The following HMCN1 variants were observed in gnomAD, a reference collection of about 807,000 sequenced individuals.
The protein encoded by HMCN1 is hemicentin-1.
HMCN1 carries 321 observed loss-of-function variants against 625.9 expected under a neutral mutation model. That is an observed-to-expected ratio of 0.51 (90% CI 0.47 to 0.56). The LOEUF is 0.56. Ranked by LOEUF, HMCN1 falls within the 20% of genes least tolerant of loss-of-function variation. The pLI is 0.00. For missense variants in HMCN1, 6,588 were observed against 6,887.3 expected, an observed-to-expected ratio of 0.96 and a Z score of 1.54; for synonymous variants, 2,425 against 2,417.6, an observed-to-expected ratio of 1.00 and a Z score of -0.09.
intron 69 of HMCN1, among the ~76,000 whole-genome samples, chr1:186,106,602 G>C (rs1229993214): frequency 1.3e-5 from 2 of 152,164 alleles, no homozygotes; most frequent in East Asian, 3.9e-4. Context: ...ATCACATATG[G>C]TTCTAGGTCC....
At chr1:186,057,542 A>T in intron 46 of HMCN1, 141 bp downstream of exon 46, 1 of 637,872 alleles carries the variant, frequency 1.6e-6, no homozygotes, top group South Asian at 1.9e-5. Context: ...CATATTAAGA[A>T]AAAATATTTA....
At chr1:186,166,409 C>G in intron 99 of HMCN1, 106 bp downstream of exon 99, 1 of 1,386,666 alleles carries the variant, frequency 7.2e-7, no homozygotes, top group Non-Finnish European at 1.0e-6. Context: ...CTTCTGCCCA[C>G]ACCTTGGCAA....
At chr1:186,067,064 A>G (rs868469917) in intron 49 of HMCN1, among the ~76,000 whole-genome samples, 12 of 152,284 alleles carry the variant, frequency 7.9e-5, no homozygotes, top group Middle Eastern at 3.4e-3. Context: ...TTCCCTTCCT[A>G]AATGAGCAAA....
rs765122544 is a variant in HMCN1, at chr1:186,017,083, G to C, written c.5300+12G>C. The stretch of plus-strand genomic sequence containing the variant: ...CCACCAACTATCATGTAAGGGTTTT[G>C]GTATGTCTTCTAAATACCTCCTGCT... On this transcript the variant is annotated intron_variant, in intron 33 of 106. Transcript: ENST00000271588. 1.4e-6 allele frequency: 2 copies of C among 1,424,562 alleles called. No individual in the cohort carries two copies. Among genetic ancestry groups the C allele is most frequent in the African/African-American group, 2.8e-5 (2 of 71,076 alleles). 88.2% of individuals were successfully genotyped at this position (1,424,562 alleles called of 1,614,324 possible).
At chr1:185,792,340 C>T (rs1050194230) in intron 1 of HMCN1, among the ~76,000 whole-genome samples, 1 of 152,164 alleles carries the variant, frequency 6.6e-6, no homozygotes, top group African/African-American at 2.4e-5. Context: ...AAATCATTCA[C>T]AACTGTAAAG....
intron 2 of HMCN1, among the ~76,000 whole-genome samples, chr1:185,861,896 G>A (rs1662896016): frequency 6.6e-6 from 1 of 152,132 alleles, no homozygotes; most frequent in African/African-American, 2.4e-5. Flanking sequence ...ACTGTGCTAT[G>A]AACTGAGGAT....
Position 185,990,383 on chromosome 1 carries a change from T to C in HMCN1, c.3317T>C (p.Leu1106Ser), listed in dbSNP as rs753896212. The C allele has an allele frequency of 2.5e-6, 4 of 1,613,912 alleles. No homozygotes were observed. The East Asian group carries it at 8.9e-5, about 36-fold the overall frequency. Residue 1106 changes from leucine (L) to serine (S), a missense_variant, in exon 22 of 107, where the codon TTA becomes TCA. By Grantham distance (145) the Leu-to-Ser change is moderately radical. Coordinates refer to ENST00000271588, the MANE Select transcript of HMCN1 (RefSeq NM_031935.3). ...ACACTTCCATGTGAAGTGAAGAGCT[T>C]ACCTCCACCCATAATTACTTGGGCC... Reference protein sequence around the residue: ...EVTLPCEVKSLPPPIITWAKE... With the variant: ...EVTLPCEVKSSPPPIITWAKE...
At chr1:186,088,117 T>G (rs767496259) in intron 61 of HMCN1, 28 bp from the exon 62 acceptor site, 3 of 1,590,168 alleles carry the variant, frequency 1.9e-6, no homozygotes, top group Non-Finnish European at 2.6e-6. Flanking sequence ...TCTGTTTTTT[T>G]GTTTGTTTGT....
intron 13 of HMCN1, among the ~76,000 whole-genome samples, chr1:185,964,321 T>G (rs1263217855): frequency 1.3e-5 from 2 of 152,166 alleles, no homozygotes; most frequent in Admixed American, 6.6e-5. Flanking sequence ...TAAACATTTA[T>G]TGGAAGCGTA....
chr1:185,783,545 G>T (rs1029446828), intron 1 of HMCN1, among the ~76,000 whole-genome samples: 25 of 152,214 alleles, frequency 1.6e-4, no homozygotes, highest in African/African-American at 5.5e-4. Flanking sequence ...CTTTCTGTTT[G>T]TTAGTTTTCC....
At chr1:186,064,050 G>T (rs1020564490) in intron 48 of HMCN1, among the ~76,000 whole-genome samples, 1 of 152,078 alleles carries the variant, frequency 6.6e-6, no homozygotes, top group African/African-American at 2.4e-5. Context: ...ATAAGCAGAG[G>T]GGGGAATGTT....
Position 186,152,784 on chromosome 1 carries a change from C to T in HMCN1, c.14931C>T (p.Gly4977=), listed in dbSNP as rs943586992. 3 of 1,613,846 alleles carry T rather than the reference C, an allele frequency of 1.9e-6. No homozygotes were observed. Among genetic ancestry groups the T allele is most frequent in the African/African-American group, 2.7e-5 (2 of 74,910 alleles). ...EILQMSHIAR[G]LDSDGSLLLD... ...TGCAGATGAGTCATATTGCCCGGGGCTTGGATTCCGATGGTTCTTTGCTGC... is the reference window on the plus strand; with the variant it reads ...TGCAGATGAGTCATATTGCCCGGGGTTTGGATTCCGATGGTTCTTTGCTGC... Residue 4977 remains glycine, a synonymous_variant, in exon 96 of 107, where the codon GGC becomes GGT. Transcript: ENST00000271588.
chr1:185,778,861 A>C (rs1313435588), intron 1 of HMCN1, among the ~76,000 whole-genome samples: 3 of 152,210 alleles, frequency 2.0e-5, no homozygotes, highest in Non-Finnish European at 4.4e-5. Context: ...GTATATACCC[A>C]GTAATGGGAT....
chr1:185,893,119 C>T (rs1348858892), intron 4 of HMCN1, among the ~76,000 whole-genome samples: 1 of 152,242 alleles, frequency 6.6e-6, no homozygotes, highest in African/African-American at 2.4e-5. Flanking sequence ...AAGGGAACTC[C>T]CTGACCCCTT....
At chr1:186,054,186 C>CACTCTGCATTAA (rs1657152337) in intron 44 of HMCN1, among the ~76,000 whole-genome samples, 200 bp downstream of exon 44, 1 of 151,958 alleles carries the variant, frequency 6.6e-6, no homozygotes, top group African/African-American at 2.4e-5. Context: ...TACAGCTGTC[C>CACTCTGCATTAA]ACTCTGCATT....
chr1:186,174,468 G>T (rs1302705398), intron 102 of HMCN1, 46 bp from the exon 103 acceptor site: 1 of 1,609,392 alleles, frequency 6.2e-7, no homozygotes, highest in Non-Finnish European at 8.5e-7. Flanking sequence ...AATGACTTTG[G>T]GTTTGAAAGA....
intron 1 of HMCN1, among the ~76,000 whole-genome samples, chr1:185,815,484 G>C (rs1414451144): frequency 6.7e-6 from 1 of 150,044 alleles, no homozygotes. Flanking sequence ...CTTAAACATA[G>C]GATGTACTCC....
chr1:185,800,713 C>T (rs985258593), intron 1 of HMCN1, among the ~76,000 whole-genome samples: 1 of 152,022 alleles, frequency 6.6e-6, no homozygotes, highest in South Asian at 2.1e-4. Flanking sequence ...ATTAACCATA[C>T]CCAATTTATG....
intron 69 of HMCN1, among the ~76,000 whole-genome samples, chr1:186,105,648 A>G (rs1419642943): frequency 6.6e-6 from 1 of 152,246 alleles, no homozygotes; most frequent in African/African-American, 2.4e-5. Context: ...CTCTAAAGAT[A>G]CATGCTTAAC....
Sources: allele counts gnomAD v4.1 joint callset (sites outside exome capture counted in the v4.1 genomes callset), GRCh38; gene constraint gnomAD v4.1.1; transcripts MANE v1.5; gene names NCBI Gene and HGNC (gene_info 2026-07-23, HGNC 2026-07-21).